USHBP1: variants seen among roughly 807,000 people sequenced by gnomAD.
USHBP1 encodes harmonin-binding protein USHBP1.
USHBP1 carries 67 observed loss-of-function variants against 76.2 expected under a neutral mutation model. That is an observed-to-expected ratio of 0.88 (90% confidence interval 0.72 to 1.08). The LOEUF (loss-of-function observed/expected upper bound fraction) is 1.08. USHBP1 is among the 50% of genes least tolerant of loss of function. The pLI is 0.00. For missense variants in USHBP1, 931 were observed against 915.0 expected, an observed-to-expected ratio of 1.02 and a Z score of -0.23; for synonymous variants, 322 against 362.2, an observed-to-expected ratio of 0.89 and a Z score of 1.26.
At position 17,264,438 on chromosome 19, in the gene USHBP1, T is replaced by C. The variant is rs111506968; in HGVS notation, c.-48-91A>G. ...CTCTGCTGTGAAATGGGGCACTGAC[T>C]ACCCCTCAGGAAGGGATTTTGTTAT... On this transcript the variant is annotated intron_variant, in intron 1 of 12. Transcript: ENST00000252597. 4.0e-3 allele frequency: 4,121 copies of C among 1,018,278 alleles called. 17 individuals carry two copies. Among genetic ancestry groups the C allele is most frequent in the Admixed American group, 5.6e-3 (193 of 34,288 alleles). The allele number at this position is 1,018,278 out of a possible 1,614,324, so 63.1% of individuals were successfully genotyped here.
At chr19:17,251,493 T>C in intron 12 of USHBP1, 89 bp downstream of exon 12, 10 of 1,559,174 alleles carry the variant, frequency 6.4e-6, no homozygotes, top group Non-Finnish European at 7.9e-6. Context: ...CAGTGGGGAA[T>C]GCTAAGGCCC....
Position 17,250,279 on chromosome 19 carries a change from C to G in USHBP1, c.2058G>C (p.Leu686=). Residue 686 remains leucine (L), a synonymous_variant, in exon 13 of 13, where the codon CTG becomes CTC. Transcript: ENST00000252597. ...VAVLEATARA[L]GKPRPPLPPP... The stretch of plus-strand genomic sequence containing the variant: ...GCGGGAGGGGAGGCCTGGGCTTCCC[C>G]AGGGCCCTTGCAGTGGCTTCGAGCA... 6.2e-7 allele frequency: 1 copy of G among 1,613,636 alleles called. No homozygotes were observed. The highest frequency in any genetic ancestry group is 1.3e-5 in the African/African-American group (1 of 75,066).
At chr19:17,250,435 G>C in intron 12 of USHBP1, 21 bp from the exon 13 acceptor site, 1 of 1,604,590 alleles carries the variant, frequency 6.2e-7, no homozygotes, top group South Asian at 1.1e-5. Flanking sequence ...TGGGTGGCTG[G>C]GTCAGGAAAC....
chr19:17,263,852 C>A (rs1003055216), intron 3 of USHBP1, 150 bp downstream of exon 3: 1 of 1,106,348 alleles, frequency 9.0e-7, no homozygotes, highest in African/African-American at 1.6e-5. Flanking sequence ...GCCTGGGTGA[C>A]ACAGCAAGAC....
At position 17,256,559 on chromosome 19, in the gene USHBP1, A is replaced by G. The variant is rs747283435; in HGVS notation, c.1382T>C (p.Met461Thr). ...CTGGGTCCCCAGAATGGCCTGCACC[A>G]TGGCTTCTGCACGGGGCACAGTGGG... ...PMPTVPRAEAMVQAILGTQAG... is the reference protein window; with the variant it reads ...PMPTVPRAEATVQAILGTQAG... Residue 461 changes from methionine (M) to threonine (T), a missense_variant, in exon 9 of 13, where the codon ATG becomes ACG. Met to Thr is a moderately conservative substitution (Grantham distance 81, BLOSUM62 -1). Coordinates refer to ENST00000252597, the MANE Select transcript of USHBP1 (RefSeq NM_031941.4). 6 of 1,614,022 alleles carry G rather than the reference A, an allele frequency of 3.7e-6. No homozygotes were observed. In the Admixed American group the frequency reaches 8.3e-5, roughly 22 times the overall value.
chr19:17,263,728 C>T (rs751047384), intron 3 of USHBP1: 17 of 363,968 alleles, frequency 4.7e-5, no homozygotes, highest in South Asian at 7.1e-5. Context: ...AAAACTTAGC[C>T]GGATGTGGTG....
At position 17,256,465 on chromosome 19, in the gene USHBP1, T is replaced by G; in HGVS notation, c.1470+6A>C. 6.2e-7 allele frequency: 1 copy of G among 1,612,894 alleles called. No homozygotes were observed. Among genetic ancestry groups the G allele is most frequent in the Non-Finnish European group, 8.5e-7 (1 of 1,179,970 alleles). On this transcript the variant is annotated splice_donor_region_variant and intron_variant, in intron 9 of 12. Coordinates refer to ENST00000252597, the MANE Select transcript of USHBP1 (RefSeq NM_031941.4). ...GACTGACACAGTGGCCACAGCCCAT[T>G]TGTACCCTTGCGGCCACCAGGTCCT...
At position 17,256,654 on chromosome 19, in the gene USHBP1, G is replaced by C. The variant is rs2073623594; in HGVS notation, c.1287C>G (p.Val429=). The part of the protein sequence containing the change: ...QEVAFQLRSY[V]QRLQERRSLM... ...GAGAACGGCGCTCCTGGAGACGCTG[G>C]ACATAGCTTCGGAGCTGGAAAGCCA... is the stretch of plus-strand genomic sequence containing the variant. The change falls in exon 9 of 13, where the codon GTC becomes GTG. Residue 429 remains valine, a synonymous_variant. Coordinates refer to ENST00000252597, the MANE Select transcript of USHBP1 (RefSeq NM_031941.4). The C allele has an allele frequency of 1.2e-6, 2 of 1,614,090 alleles. No homozygotes were observed. The highest frequency in any genetic ancestry group is 1.7e-6 in the Non-Finnish European group (2 of 1,180,048).
chr19:17,262,033 C>G (rs1307110413), intron 4 of USHBP1, among the ~76,000 whole-genome samples: 1 of 141,204 alleles, frequency 7.1e-6, no homozygotes, highest in African/African-American at 2.7e-5. Flanking sequence ...CAGAGTCTCA[C>G]TCTGTCCCCC....
chr19:17,255,432 G>A lies in USHBP1; in HGVS notation c.1645C>T (p.His549Tyr). The stretch of plus-strand genomic sequence containing the variant: ...CCGCTGCTGCCACCTCCGCTGCTAT[G>A]TCCGCCACTGCTGTTTGCCCCACCA... ...QAGGANSSGG[H>Y]SSGGGSSGDE... The change falls in exon 10 of 13, where the codon CAT becomes TAT. Residue 549 changes from histidine to tyrosine, a missense_variant. By Grantham distance (83) the His-to-Tyr change is moderately conservative. Transcript: ENST00000252597. 1 of 1,614,134 alleles carries A rather than the reference G, an allele frequency of 6.2e-7. No individual in the cohort carries two copies. Among genetic ancestry groups the A allele is most frequent in the Non-Finnish European group, 8.5e-7 (1 of 1,180,008 alleles).
chr19:17,264,391 G>C, intron 1 of USHBP1, 44 bp from the exon 2 acceptor site: 1 of 1,394,434 alleles, frequency 7.2e-7, no homozygotes, highest in Non-Finnish European at 9.6e-7. Context: ...TGTTGTCCTG[G>C]ACAAAGGACA....
chr19:17,259,805 C>G, intron 5 of USHBP1, 73 bp from the exon 6 acceptor site: 3 of 1,582,488 alleles, frequency 1.9e-6, no homozygotes, highest in Non-Finnish European at 2.6e-6. Flanking sequence ...TTTGCAACCC[C>G]AAAGCTGTTG....
In USHBP1 at chr19:17,264,238, A is replaced by C. The variant is rs764361954; in HGVS notation, c.54+8T>G. ...ATCTGGGTGTGGAGGGGAGAGGGTG[A>C]CACTTACGGGTGGAGCATGCCTCCC... is the stretch of plus-strand genomic sequence containing the variant. On this transcript the variant is annotated splice_region_variant and intron_variant, in intron 2 of 12. Coordinates refer to ENST00000252597, the MANE Select transcript of USHBP1 (RefSeq NM_031941.4). The C allele has an allele frequency of 6.2e-7, 1 of 1,613,854 alleles. No individual in the cohort carries two copies.
intron 3 of USHBP1, 158 bp from the exon 4 acceptor site, chr19:17,263,148 C>T: frequency 3.1e-6 from 2 of 653,224 alleles, no homozygotes; most frequent in Non-Finnish European, 4.6e-6. Context: ...AGTGATTCTC[C>T]TGCCTCGGTC....
chr19:17,251,820 C>T (rs2073556375), intron 11 of USHBP1, 91 bp downstream of exon 11: 8 of 1,555,642 alleles, frequency 5.1e-6, no homozygotes, highest in South Asian at 3.5e-5. Context: ...CACCGGGGTA[C>T]ACCTTAGCTT....
At chr19:17,263,390 C>T (rs565138510) in intron 3 of USHBP1, 3 of 167,188 alleles carry the variant, frequency 1.8e-5, no homozygotes, top group Non-Finnish European at 2.6e-5. Flanking sequence ...GAGGTGTGAG[C>T]GGAGCAGGGA....
In USHBP1 at chr19:17,259,589, C is replaced by T. The variant is rs1241443204; in HGVS notation, c.905+7G>A. On this transcript the variant is annotated splice_region_variant and intron_variant, in intron 6 of 12. Transcript: ENST00000252597. Reference sequence around the variant, plus strand: ...GCCCTTATGAGCTCAGCATTTGAGTCTCTTACCCCCGGAGTTGCTCCATCT... The same window carrying T: ...GCCCTTATGAGCTCAGCATTTGAGTTTCTTACCCCCGGAGTTGCTCCATCT... 20 of 1,606,902 alleles carry T rather than the reference C, an allele frequency of 1.2e-5. No homozygotes were observed. The highest frequency in any genetic ancestry group is 1.4e-5 in the Non-Finnish European group (17 of 1,177,292).
chr19:17,250,322 T>G lies in USHBP1; in HGVS notation c.2015A>C (p.Gln672Pro), dbSNP rs1274230698. 1 of 1,613,514 alleles carries G rather than the reference T, an allele frequency of 6.2e-7. No individual in the cohort carries two copies. Among genetic ancestry groups the G allele is most frequent in the South Asian group, 1.1e-5 (1 of 91,050 alleles). The change falls in exon 13 of 13, where the codon CAG (glutamine) becomes CCG (proline). Residue 672 changes from glutamine (Q) to proline (P), a missense_variant. Transcript: ENST00000252597. ...TTCGAGCACCGCCACCTCCTCGGCC[T>G]GCTGAGCCTCCATGAGTGCCATCTG... ...EQQMALMEAQ[Q>P]AEEVAVLEAT...
intron 8 of USHBP1, among the ~76,000 whole-genome samples, chr19:17,257,918 G>A (rs1178614747): frequency 3.3e-5 from 5 of 152,168 alleles, no homozygotes; most frequent in Non-Finnish European, 5.9e-5. Flanking sequence ...CAAAGTGCTG[G>A]GATTACAGGC....
Sources: allele counts gnomAD v4.1 joint callset (sites outside exome capture counted in the v4.1 genomes callset), GRCh38; gene constraint gnomAD v4.1.1; transcripts MANE v1.5; gene names NCBI Gene and HGNC (gene_info 2026-07-23, HGNC 2026-07-21).